The following PRSS55 variants were observed in gnomAD, a reference collection of about 807,000 sequenced individuals.
The protein encoded by PRSS55 is probable serine protease UNQ9391/PRO34284.
In PRSS55, 41 loss-of-function variants were observed where a neutral mutation model predicts 23.6. The ratio of observed to expected loss-of-function variants is 1.74; its 90% CI spans 1.35 to 2.26. PRSS55 has a LOEUF of 2.26. PRSS55 is among the 30% of genes most tolerant of loss of function. PRSS55 has a pLI of 0.00. For synonymous variants in PRSS55, 262 were observed against 175.5 expected (o/e 1.49, Z -3.90); for missense variants, 669 against 439.1 (o/e 1.52, Z -4.68).
chr8:10,549,531 C>A (rs1812905305), intron 4 of PRSS55, among the ~76,000 whole-genome samples: 1 of 152,210 alleles, frequency 6.6e-6, no homozygotes, highest in Non-Finnish European at 1.5e-5. Flanking sequence ...AGGGGCTCAC[C>A]AAGCCCTGCT....
intron 1 of PRSS55, among the ~76,000 whole-genome samples, chr8:10,529,168 C>CG (rs980421117): frequency 6.6e-5 from 10 of 152,188 alleles, no homozygotes; most frequent in African/African-American, 2.4e-4. Flanking sequence ...CTGCCCACCA[C>CG]GGGGGGTTAG....
Position 10,531,501 on chromosome 8 carries a change from C to T in PRSS55, c.554C>T (p.Thr185Ile). The change falls in exon 3 of 5, where the codon ACA becomes ATA. Residue 185 changes from threonine to isoleucine, a missense_variant. Physicochemically the swap from Thr to Ile is moderately conservative, Grantham distance 89. Coordinates refer to ENST00000328655, the MANE Select transcript of PRSS55 (RefSeq NM_198464.4). The stretch of plus-strand genomic sequence containing the variant: ...CTCCCCACGCAGCCCGGCCCTGCCA[C>T]ATGGCGCGAATGCTGGGTGGCAGGT... ...ICLPTQPGPA[T>I]WRECWVAGWG... The T allele has an allele frequency of 1.2e-6, 2 of 1,613,974 alleles. No homozygotes were observed. Among genetic ancestry groups the T allele is most frequent in the Non-Finnish European group, 1.7e-6 (2 of 1,180,056 alleles).
chr8:10,536,215 C>T (rs1812447349), intron 4 of PRSS55, among the ~76,000 whole-genome samples: 1 of 151,736 alleles, frequency 6.6e-6, no homozygotes, highest in Admixed American at 6.6e-5. Flanking sequence ...ACAGACACTT[C>T]TCAAAAGAAG....
At position 10,553,456 on chromosome 8, in the gene PRSS55, C is replaced by T. The variant is rs182166415; in HGVS notation, c.742-487C>T. On this transcript the variant is annotated intron_variant, in intron 4 of 4. Transcript: ENST00000522210. The stretch of plus-strand genomic sequence containing the variant: ...TGATATATATGTACACAATAAAATA[C>T]TACTCAGCCTTAAACAAGAAGGAAA... Among the ~76,000 whole-genome samples, 8 of 152,282 alleles carry T rather than the reference C, an allele frequency of 5.3e-5. No individual in the cohort carries two copies. In the East Asian group the frequency reaches 1.5e-3, roughly 29 times the overall value.
intron 4 of PRSS55, among the ~76,000 whole-genome samples, chr8:10,546,114 C>T (rs536862205): frequency 6.6e-6 from 1 of 152,206 alleles, no homozygotes; most frequent in Admixed American, 6.5e-5. Context: ...GAACTAGGCT[C>T]CCCTGAGCTG....
chr8:10,543,163 C>T (rs1213734771), downstream of PRSS55, among the ~76,000 whole-genome samples: 1 of 152,078 alleles, frequency 6.6e-6, no homozygotes, highest in Non-Finnish European at 1.5e-5. Flanking sequence ...CCCTAAGAAC[C>T]AAGCTTGGCA....
intron 4 of PRSS55, among the ~76,000 whole-genome samples, chr8:10,551,072 T>G (rs1749873958): frequency 6.6e-6 from 1 of 152,216 alleles, no homozygotes; most frequent in African/African-American, 2.4e-5. Flanking sequence ...ACTCAGAAGG[T>G]CCTGCAAGTG....
At chr8:10,541,443 C>T (rs1273387897), downstream of PRSS55, 1 of 152,260 alleles carries the variant, frequency 6.6e-6, no homozygotes, top group Non-Finnish European at 1.5e-5. Context: ...ATTGTCAGCT[C>T]TTCTGGGGCT....
At chr8:10,532,502 C>A (rs1456200366) in intron 3 of PRSS55, among the ~76,000 whole-genome samples, 1 of 152,146 alleles carries the variant, frequency 6.6e-6, no homozygotes, top group African/African-American at 2.4e-5. Context: ...ACCGGGAGTG[C>A]AAACCCACTT....
At position 10,525,563 on chromosome 8, in the gene PRSS55, G is replaced by T; in HGVS notation, c.-23G>T. ...TCAGCCCTGGCCTCTGTCACCCCCG[G>T]GCCCACAGCACAGCCCAGGGCCATG... is the stretch of plus-strand genomic sequence containing the variant. On this transcript the variant is annotated 5_prime_UTR_variant, in exon 1 of 5. Transcript: ENST00000328655. 6.2e-7 allele frequency: 1 copy of T among 1,605,620 alleles called. No homozygotes were observed.
At chr8:10,540,724 A>AG (rs1420573268), downstream of PRSS55, 2 of 152,270 alleles carry the variant, frequency 1.3e-5, no homozygotes, top group Non-Finnish European at 2.9e-5. Flanking sequence ...CCAAAAAAAA[A>AG]GAAAAAAGAA....
chr8:10,532,298 C>A (rs1457423146), intron 3 of PRSS55, among the ~76,000 whole-genome samples: 2 of 152,066 alleles, frequency 1.3e-5, no homozygotes, highest in Non-Finnish European at 2.9e-5. Context: ...GGCACATGGG[C>A]ATGCACAAGT....
At chr8:10,537,503 A>C (rs1196064289) in intron 4 of PRSS55, among the ~76,000 whole-genome samples, 1 of 152,178 alleles carries the variant, frequency 6.6e-6, no homozygotes, top group Non-Finnish European at 1.5e-5. Context: ...ACGAAAACAC[A>C]GTTAGTTAGA....
At chr8:10,529,069 C>T (rs1364359095) in intron 1 of PRSS55, among the ~76,000 whole-genome samples, 1 of 152,234 alleles carries the variant, frequency 6.6e-6, no homozygotes, top group Non-Finnish European at 1.5e-5. Context: ...ATTCCATCTC[C>T]AAAGCCCCCC....
chr8:10,537,293 C>T (rs910663968), intron 4 of PRSS55, among the ~76,000 whole-genome samples: 2 of 152,048 alleles, frequency 1.3e-5, no homozygotes, highest in Non-Finnish European at 2.9e-5. Context: ...TATTATTCAG[C>T]CATAAAAAAT....
downstream of PRSS55, among the ~76,000 whole-genome samples, chr8:10,542,804 C>T (rs191005709): frequency 2.9e-5 from 4 of 139,104 alleles, no homozygotes; most frequent in East Asian, 6.7e-4. Flanking sequence ...ACCCGGGAGG[C>T]GGAGGTTGCA....
At chr8:10,542,929 A>T (rs531307668), downstream of PRSS55, among the ~76,000 whole-genome samples, 3 of 151,652 alleles carry the variant, frequency 2.0e-5, no homozygotes, top group African/African-American at 7.3e-5. Context: ...GAAATCAAGA[A>T]TCAAGGCTCA....
chr8:10,542,989 T>C (rs548163425), downstream of PRSS55, among the ~76,000 whole-genome samples: 3 of 151,922 alleles, frequency 2.0e-5, no homozygotes, highest in Non-Finnish European at 2.9e-5. Flanking sequence ...TCCAGTTTAT[T>C]TGGGGGAACC....
chr8:10,535,796 A>G (rs1162758648), intron 4 of PRSS55, among the ~76,000 whole-genome samples: 1 of 152,228 alleles, frequency 6.6e-6, no homozygotes, highest in Admixed American at 6.5e-5. Context: ...ATGGGAGAAA[A>G]TATTTGCAAA....
Sources: allele counts gnomAD v4.1 joint callset (sites outside exome capture counted in the v4.1 genomes callset), GRCh38; gene constraint gnomAD v4.1.1; transcripts MANE v1.5; gene names NCBI Gene and HGNC (gene_info 2026-07-23, HGNC 2026-07-21).